The following VTI1A variants were observed in gnomAD, a reference collection of about 807,000 sequenced individuals.
VTI1A encodes the protein vesicle transport through interaction with t-SNAREs 1A, also known as vesicle transport through interaction with t-SNAREs homolog 1A.
Under a neutral mutation model 34.9 loss-of-function variants are expected in VTI1A, and 22 were observed. The observed-to-expected ratio is 0.63, with a 90% CI of 0.45 to 0.90. The LOEUF is 0.90. VTI1A is among the 40% of genes least tolerant of loss of function. The pLI, the probability that VTI1A is intolerant of heterozygous loss-of-function variation, is 0.00. For synonymous variants in VTI1A, 87 were observed against 97.3 expected (o/e 0.89, Z 0.62); for missense variants, 268 against 275.6 (o/e 0.97, Z 0.20).
At chr10:112,524,022 G>A (rs567208288) in intron 3 of VTI1A, among the ~76,000 whole-genome samples, 1 of 152,060 alleles carries the variant, frequency 6.6e-6, no homozygotes, top group African/African-American at 2.4e-5. Context: ...ACTTATTAAT[G>A]TAGCATGGGT....
intron 5 of VTI1A, among the ~76,000 whole-genome samples, chr10:112,650,670 C>T (rs1272468535): frequency 1.3e-5 from 2 of 152,168 alleles, no homozygotes; most frequent in African/African-American, 4.8e-5. Flanking sequence ...ATGCATTGTG[C>T]TACGATGTTC....
intron 3 of VTI1A, among the ~76,000 whole-genome samples, chr10:112,511,903 G>T (rs754784852): frequency 1.3e-5 from 2 of 152,078 alleles, no homozygotes; most frequent in Non-Finnish European, 2.9e-5. Flanking sequence ...ATTTTCAATT[G>T]TTTTATGCCT....
intron 7 of VTI1A, among the ~76,000 whole-genome samples, chr10:112,747,920 G>C (rs1390837314): frequency 1.3e-5 from 2 of 152,216 alleles, no homozygotes; most frequent in Admixed American, 1.3e-4. Flanking sequence ...GGAGGGTACA[G>C]TGGCAATCCA....
intron 3 of VTI1A, among the ~76,000 whole-genome samples, chr10:112,483,219 C>T (rs1171944183): frequency 6.6e-6 from 1 of 151,902 alleles, no homozygotes; most frequent in African/African-American, 2.4e-5. Flanking sequence ...AAAGTACAGA[C>T]TGATGTTATC....
chr10:112,612,882 G>A (rs1211295126), intron 5 of VTI1A, among the ~76,000 whole-genome samples: 1 of 151,956 alleles, frequency 6.6e-6, no homozygotes, highest in African/African-American at 2.4e-5. Context: ...AGATATCTAC[G>A]CCTGCCTGTT....
the VTI1A span, among the ~76,000 whole-genome samples, chr10:112,837,380 A>G: frequency 3.3e-5 from 5 of 152,230 alleles, no homozygotes; most frequent in African/African-American, 9.6e-5. Context: ...TGGGTGGTTA[A>G]GGATGTCACA....
chr10:112,591,518 T>TCA lies in VTI1A; in HGVS notation c.427+53207_427+53208dup, dbSNP rs61256241. 8.3e-3 allele frequency among the ~76,000 whole-genome samples: 1,256 copies of TCA among 150,822 alleles called. 16 individuals carry two copies. The highest frequency in any genetic ancestry group is 0.024 in the Middle Eastern group (7 of 292). ...CTGGGTGACAGAGTGAGACTCCGTCTCACACACACACACACACACAAAACG... is the reference window on the plus strand; with the variant it reads ...CTGGGTGACAGAGTGAGACTCCGTCTCACACACACACACACACACACAAAACG... On this transcript the variant is annotated intron_variant, in intron 5 of 7. Transcript: ENST00000393077.
At chr10:112,836,752 G>A in the VTI1A span, among the ~76,000 whole-genome samples, 3 of 152,144 alleles carry the variant, frequency 2.0e-5, no homozygotes, top group Admixed American at 6.5e-5. Flanking sequence ...ATGATGCGGC[G>A]GGGAGGGGGT....
chr10:112,639,264 CATA>C (rs1218472319), intron 5 of VTI1A, among the ~76,000 whole-genome samples: 4 of 152,102 alleles, frequency 2.6e-5, no homozygotes, highest in African/African-American at 9.7e-5. Flanking sequence ...ATTAAAAATG[CATA>C]ATGAGAGTCG....
intron 5 of VTI1A, among the ~76,000 whole-genome samples, chr10:112,550,349 G>T (rs1564823183): frequency 7.0e-6 from 1 of 142,284 alleles, no homozygotes; most frequent in African/African-American, 2.6e-5. Context: ...GTGCCAGAAG[G>T]TTTTTTTTTT....
At chr10:112,793,121 T>C (rs922653726) in intron 7 of VTI1A, among the ~76,000 whole-genome samples, 4 of 152,212 alleles carry the variant, frequency 2.6e-5, no homozygotes, top group Non-Finnish European at 5.9e-5. Flanking sequence ...CAGTGTTATT[T>C]GATATAAAGT....
intron 5 of VTI1A, among the ~76,000 whole-genome samples, chr10:112,629,334 A>G (rs1846043742): frequency 1.3e-5 from 2 of 152,170 alleles, no homozygotes; most frequent in South Asian, 4.1e-4. Flanking sequence ...TTGGATTTTC[A>G]CAGAAAAAGA....
Position 112,815,624 on chromosome 10 carries a change from G to A in VTI1A, c.*241G>A, listed in dbSNP as rs1853496730. Reference sequence around the variant, plus strand: ...TCGTTTTTTAGAGGGGAAGGTGAATGTTTATTTACCTTTTTGCTAATGTCA... The same window carrying A: ...TCGTTTTTTAGAGGGGAAGGTGAATATTTATTTACCTTTTTGCTAATGTCA... On this transcript the variant is annotated 3_prime_UTR_variant, in exon 8 of 8. Transcript: ENST00000393077. 2 of 526,672 alleles carry A rather than the reference G, an allele frequency of 3.8e-6. No homozygotes were observed. Among genetic ancestry groups the A allele is most frequent in the African/African-American group, 1.9e-5 (1 of 52,584 alleles). 32.6% of individuals were successfully genotyped at this position (526,672 alleles called of 1,614,324 possible). A position where few individuals can be genotyped will look rare whatever the true frequency, so the allele number is the denominator to read the frequency against.
chr10:112,714,884 A>C (rs2133928426), intron 7 of VTI1A, among the ~76,000 whole-genome samples: 1 of 152,368 alleles, frequency 6.6e-6, no homozygotes, highest in African/African-American at 2.4e-5. Flanking sequence ...TTATGAGCCA[A>C]CCTTTTCAAT....
At chr10:112,642,977 C>CTT (rs58619611) in intron 5 of VTI1A, among the ~76,000 whole-genome samples, 7,289 of 120,922 alleles carry the variant, frequency 0.06, 529 homozygotes, top group East Asian at 0.25. Flanking sequence ...TTTTTCTTTT[C>CTT]TTTTTTTTTT....
At chr10:112,579,997 GTGAC>G (rs1302919073) in intron 5 of VTI1A, among the ~76,000 whole-genome samples, 1 of 152,186 alleles carries the variant, frequency 6.6e-6, no homozygotes, top group African/African-American at 2.4e-5. Flanking sequence ...TTAAGAAAAA[GTGAC>G]TGGGGAAGAA....
At chr10:112,526,179 C>T (rs1010298434) in intron 3 of VTI1A, among the ~76,000 whole-genome samples, 1 of 152,158 alleles carries the variant, frequency 6.6e-6, no homozygotes, top group Non-Finnish European at 1.5e-5. Context: ...AGCTTCCCAA[C>T]GAATTTTCAG....
intron 5 of VTI1A, among the ~76,000 whole-genome samples, chr10:112,625,517 G>A (rs1845887339): frequency 6.6e-6 from 1 of 151,796 alleles, no homozygotes; most frequent in Non-Finnish European, 1.5e-5. Flanking sequence ...GCACATGCCT[G>A]TAATCCCAGT....
intron 5 of VTI1A, among the ~76,000 whole-genome samples, chr10:112,647,194 CT>C (rs1846829195): frequency 6.6e-6 from 1 of 152,184 alleles, no homozygotes; most frequent in African/African-American, 2.4e-5. Flanking sequence ...GTGTAAACGG[CT>C]TAACTCTCTA....
Sources: allele counts gnomAD v4.1 joint callset (sites outside exome capture counted in the v4.1 genomes callset), GRCh38; gene constraint gnomAD v4.1.1; transcripts MANE v1.5; gene names NCBI Gene and HGNC (gene_info 2026-07-23, HGNC 2026-07-21).